Variants in GPC5 observed in about 807,000 individuals in gnomAD.
GPC5 encodes the protein glypican-5.
In GPC5, 47 loss-of-function variants were observed where a neutral mutation model predicts 53.9. The observed-to-expected ratio is 0.87, with a 90% CI of 0.69 to 1.11. The LOEUF (loss-of-function observed/expected upper bound fraction) is 1.11. Ranked by LOEUF, GPC5 falls within the 50% of genes most tolerant of loss-of-function variation. GPC5 has a pLI of 0.00. For missense variants in GPC5, 748 were observed against 713.1 expected, an observed-to-expected ratio of 1.05 and a Z score of -0.56; for synonymous variants, 286 against 263.3, an observed-to-expected ratio of 1.09 and a Z score of -0.84.
chr13:92,720,765 G>A (rs554265217), intron 7 of GPC5, among the ~76,000 whole-genome samples: 6 of 152,168 alleles, frequency 3.9e-5, no homozygotes, highest in African/African-American at 2.4e-5. Context: ...GATAAACTTC[G>A]CTGTTCTACT....
chr13:92,069,408 A>ATGTGTG (rs67467167), intron 6 of GPC5, among the ~76,000 whole-genome samples: 31 of 143,206 alleles, frequency 2.2e-4, no homozygotes, highest in East Asian at 8.6e-4. Flanking sequence ...GTGTGCGTGC[A>ATGTGTG]TGTGTGTGTG....
chr13:91,830,442 T>C (rs1159391244), intron 5 of GPC5, among the ~76,000 whole-genome samples: 3 of 151,914 alleles, frequency 2.0e-5, no homozygotes, highest in Admixed American at 2.0e-4. Flanking sequence ...TACATCCTCC[T>C]CAGCTGACAG....
intron 3 of GPC5, among the ~76,000 whole-genome samples, chr13:91,724,134 C>T (rs1181638603): frequency 2.0e-5 from 3 of 152,130 alleles, no homozygotes; most frequent in Non-Finnish European, 4.4e-5. Context: ...TTACCAATAG[C>T]ATAGTTCCTC....
At chr13:92,813,097 G>A (rs1268789006) in intron 7 of GPC5, among the ~76,000 whole-genome samples, 2 of 151,778 alleles carry the variant, frequency 1.3e-5, no homozygotes, top group Non-Finnish European at 2.9e-5. Flanking sequence ...GGAAAATATT[G>A]TTATATTTTA....
At chr13:92,588,739 C>A (rs9589592) in intron 7 of GPC5, among the ~76,000 whole-genome samples, 1 of 152,110 alleles carries the variant, frequency 6.6e-6, no homozygotes, top group Non-Finnish European at 1.5e-5. Context: ...GCACCACTAT[C>A]TACAATAGCA....
At chr13:92,211,946 G>C (rs2042378379) in intron 7 of GPC5, among the ~76,000 whole-genome samples, 1 of 152,182 alleles carries the variant, frequency 6.6e-6, no homozygotes, top group Non-Finnish European at 1.5e-5. Context: ...CAAAATGTTT[G>C]TCGTCTTCAC....
Position 92,829,476 on chromosome 13 carries a change from C to A in GPC5, c.1562-36806C>A, listed in dbSNP as rs535452600. On this transcript the variant is annotated intron_variant, in intron 7 of 7. Coordinates refer to ENST00000377067, the MANE Select transcript of GPC5 (RefSeq NM_004466.6). ...TGAATGTAGTCATGGAGTTAAATCT[C>A]AAATTTATTATTATGAAATATTTGT... 2.0e-5 allele frequency among the ~76,000 whole-genome samples: 3 copies of A among 152,214 alleles called. No homozygotes were observed. In the East Asian group the frequency reaches 5.8e-4, roughly 29 times the overall value.
chr13:92,651,538 A>G (rs758586523), intron 7 of GPC5, among the ~76,000 whole-genome samples: 2 of 152,120 alleles, frequency 1.3e-5, no homozygotes, highest in Non-Finnish European at 2.9e-5. Context: ...TGTCACAGCC[A>G]AGAGGAGCCT....
intron 5 of GPC5, among the ~76,000 whole-genome samples, chr13:91,775,801 A>C (rs1351310677): frequency 6.6e-6 from 1 of 152,190 alleles, no homozygotes; most frequent in Non-Finnish European, 1.5e-5. Flanking sequence ...AGATTACTCC[A>C]TGAGTGAGTG....
chr13:92,683,734 A>T (rs910015185), intron 7 of GPC5, among the ~76,000 whole-genome samples: 1 of 152,142 alleles, frequency 6.6e-6, no homozygotes, highest in African/African-American at 2.4e-5. Context: ...TAGTAACCAC[A>T]TATATATATT....
intron 7 of GPC5, among the ~76,000 whole-genome samples, chr13:92,395,571 A>C (rs1245557901): frequency 6.6e-6 from 1 of 152,234 alleles, no homozygotes; most frequent in Admixed American, 6.5e-5. Context: ...TTCCTTATGT[A>C]GAGTGGAGTT....
chr13:91,826,458 A>T (rs1477518778), intron 5 of GPC5, among the ~76,000 whole-genome samples: 1 of 152,090 alleles, frequency 6.6e-6, no homozygotes, highest in African/African-American at 2.4e-5. Context: ...GCATATTAAG[A>T]GGTCAATTCT....
chr13:92,137,499 G>C (rs1177102179), intron 6 of GPC5, among the ~76,000 whole-genome samples: 1 of 152,094 alleles, frequency 6.6e-6, no homozygotes, highest in Non-Finnish European at 1.5e-5. Context: ...TGGTTATAAC[G>C]ATCTTAATGA....
chr13:91,491,935 A>G (rs1031655323), intron 2 of GPC5, among the ~76,000 whole-genome samples: 5 of 152,210 alleles, frequency 3.3e-5, no homozygotes, highest in African/African-American at 7.2e-5. Context: ...TTGGGAGACC[A>G]CTGTTCAGCT....
intron 7 of GPC5, among the ~76,000 whole-genome samples, chr13:92,305,065 T>C (rs988591802): frequency 7.9e-5 from 12 of 152,308 alleles, no homozygotes; most frequent in East Asian, 7.7e-4. Flanking sequence ...AGAATAATTA[T>C]GCTAATTGAT....
intron 6 of GPC5, among the ~76,000 whole-genome samples, chr13:91,980,756 A>G (rs965314727): frequency 6.6e-6 from 1 of 152,206 alleles, no homozygotes; most frequent in South Asian, 2.1e-4. Context: ...AACCATTACC[A>G]GCACACCAGG....
chr13:92,785,480 C>T (rs2138767263), intron 7 of GPC5, among the ~76,000 whole-genome samples: 1 of 152,146 alleles, frequency 6.6e-6, no homozygotes, highest in Admixed American at 6.5e-5. Context: ...TATGTGCAAC[C>T]ACAAATATTT....
chr13:91,859,567 G>C (rs1405167957), intron 5 of GPC5, among the ~76,000 whole-genome samples: 1 of 151,898 alleles, frequency 6.6e-6, no homozygotes. Context: ...AAATTCGTGA[G>C]TATAGAATTG....
chr13:92,833,574 G>A (rs1283738240), intron 7 of GPC5, among the ~76,000 whole-genome samples: 2 of 152,136 alleles, frequency 1.3e-5, no homozygotes, highest in African/African-American at 2.4e-5. Context: ...AAAAGATACA[G>A]CTGTCCTTGT....
Sources: gnomAD v4.1 joint callset for allele counts (sites outside exome capture counted in the v4.1 genomes callset) on GRCh38, gnomAD v4.1.1 for gene constraint, MANE v1.5 for transcripts, NCBI Gene and HGNC (gene_info 2026-07-23, HGNC 2026-07-21) for gene names.